The following PDZRN3 variants were observed in gnomAD, a reference collection of about 807,000 sequenced individuals.
PDZRN3 encodes the protein PDZ domain containing ring finger 3.
In PDZRN3, 38 loss-of-function variants were observed where a neutral mutation model predicts 85.7. The observed-to-expected ratio is 0.44, with a 90% CI of 0.34 to 0.58. The LOEUF (loss-of-function observed/expected upper bound fraction) is 0.58. PDZRN3 is among the 20% of genes least tolerant of loss of function. The pLI is 0.01. For synonymous variants in PDZRN3, 759 were observed against 638.0 expected (o/e 1.19, Z -2.86); for missense variants, 1,629 against 1,506.4 (o/e 1.08, Z -1.35).
In PDZRN3 at chr3:73,452,905, T is replaced by A. The variant is rs146138871; in HGVS notation, c.919-48510A>T. Reference sequence around the variant, plus strand: ...GTCCATGCAGTTGTCTTTAACTTGTTCTTCTGCATAATTTATTGGGCAGCT... The same window carrying A: ...GTCCATGCAGTTGTCTTTAACTTGTACTTCTGCATAATTTATTGGGCAGCT... On this transcript the variant is annotated intron_variant, in intron 3 of 9. Transcript: ENST00000263666. Among the ~76,000 whole-genome samples, 360 of 149,030 alleles carry A rather than the reference T, an allele frequency of 2.4e-3. 4 individuals carry two copies. The Middle Eastern group carries it at 0.063, about 26-fold the overall frequency.
intron 5 of PDZRN3, among the ~76,000 whole-genome samples, chr3:73,395,521 C>T (rs531463087): frequency 7.2e-5 from 11 of 152,292 alleles, no homozygotes; most frequent in African/African-American, 2.6e-4. Context: ...AGGGCCATTC[C>T]ACCTTGTTGA....
At chr3:73,471,880 G>A (rs1477145695) in intron 3 of PDZRN3, among the ~76,000 whole-genome samples, 2 of 152,150 alleles carry the variant, frequency 1.3e-5, no homozygotes, top group Non-Finnish European at 2.9e-5. Context: ...AATGGGTCCA[G>A]GACAAAAAGG....
chr3:73,506,149 T>G (rs1704066591), intron 3 of PDZRN3, among the ~76,000 whole-genome samples: 1 of 152,194 alleles, frequency 6.6e-6, no homozygotes, highest in African/African-American at 2.4e-5. Flanking sequence ...ATTTCAAGTC[T>G]GAATATCAAC....
chr3:73,562,243 A>G (rs1157012967), intron 3 of PDZRN3, among the ~76,000 whole-genome samples: 3 of 152,110 alleles, frequency 2.0e-5, no homozygotes, highest in African/African-American at 7.3e-5. Context: ...AGATAAAAAA[A>G]GAGTCATGAG....
intron 3 of PDZRN3, among the ~76,000 whole-genome samples, chr3:73,450,454 G>C (rs1270398881): frequency 6.6e-6 from 1 of 152,226 alleles, no homozygotes; most frequent in Non-Finnish European, 1.5e-5. Context: ...AAGCTGATCA[G>C]TGCAGCCAAT....
At chr3:73,508,061 C>T (rs936029936) in intron 3 of PDZRN3, among the ~76,000 whole-genome samples, 5 of 152,066 alleles carry the variant, frequency 3.3e-5, no homozygotes, top group African/African-American at 1.2e-4. Flanking sequence ...TGCCATTGCA[C>T]TCCAGCCTGG....
In PDZRN3 at chr3:73,382,692, T is replaced by C. The variant is rs770805557; in HGVS notation, c.*673A>G. On this transcript the variant is annotated 3_prime_UTR_variant, in exon 10 of 10. Coordinates refer to ENST00000263666, the MANE Select transcript of PDZRN3 (RefSeq NM_015009.3). ...CAAATTCTTTCAATGGGCTGCAATA[T>C]TTGCAAACATGCTTTAAACTTCCAT... The C allele has an allele frequency of 2.6e-5, 4 of 152,690 alleles. No homozygotes were observed. The highest frequency in any genetic ancestry group is 6.5e-5 in the Admixed American group (1 of 15,276). 9.5% of individuals were successfully genotyped at this position (152,690 alleles called of 1,614,324 possible). A position where few individuals can be genotyped will look rare whatever the true frequency, so the allele number is the denominator to read the frequency against.
chr3:73,523,322 G>T (rs1243083214), intron 3 of PDZRN3, among the ~76,000 whole-genome samples: 2 of 151,972 alleles, frequency 1.3e-5, no homozygotes, highest in Middle Eastern at 3.4e-3. Flanking sequence ...CCACCATACG[G>T]GGCCAAAAGG....
At chr3:73,433,825 C>T in intron 3 of PDZRN3, 1 of 1,467,138 alleles carries the variant, frequency 6.8e-7, no homozygotes, top group Admixed American at 2.5e-5. Context: ...CAAGCGACTG[C>T]AACGCTTCAC....
At chr3:73,480,008 T>C (rs1377805533) in intron 3 of PDZRN3, among the ~76,000 whole-genome samples, 2 of 152,102 alleles carry the variant, frequency 1.3e-5, no homozygotes, top group African/African-American at 4.8e-5. Flanking sequence ...CTTTTGTTTG[T>C]AATGTGATTT....
At chr3:73,400,269 T>A (rs1422430591) in intron 5 of PDZRN3, among the ~76,000 whole-genome samples, 1 of 152,230 alleles carries the variant, frequency 6.6e-6, no homozygotes, top group Non-Finnish European at 1.5e-5. Flanking sequence ...GTGTTTTCTG[T>A]ATTTTCTATC....
chr3:73,602,495 T>C (rs765361927), intron 2 of PDZRN3, 34 bp from the exon 3 acceptor site: 20 of 1,066,820 alleles, frequency 1.9e-5, no homozygotes, highest in Middle Eastern at 2.0e-4. Context: ...GCATGAATGC[T>C]AGGCATTAAG....
chr3:73,610,733 A>G (rs2106907860), intron 1 of PDZRN3, among the ~76,000 whole-genome samples: 1 of 152,308 alleles, frequency 6.6e-6, no homozygotes, highest in East Asian at 1.9e-4. Context: ...GACAATCTCA[A>G]GTGATGCACA....
Position 73,463,996 on chromosome 3 carries a change from T to C in PDZRN3, c.919-59601A>G, listed in dbSNP as rs573132666. Among the ~76,000 whole-genome samples, 7 of 152,334 alleles carry C rather than the reference T, an allele frequency of 4.6e-5. No homozygotes were observed. The South Asian group carries it at 8.3e-4, about 18-fold the overall frequency. The stretch of plus-strand genomic sequence containing the variant: ...TTCTTTTTTATTTTTTATTTATTTA[T>C]TTATTTTGAGACAGAGTCTTACACC... On this transcript the variant is annotated intron_variant, in intron 3 of 9. Transcript: ENST00000263666.
At chr3:73,397,938 T>C (rs2106711998) in intron 5 of PDZRN3, among the ~76,000 whole-genome samples, 1 of 152,258 alleles carries the variant, frequency 6.6e-6, no homozygotes, top group South Asian at 2.1e-4. Flanking sequence ...GAAAAGCTAA[T>C]GTCTAATGGT....
chr3:73,462,542 C>CAAA (rs1167584471), intron 3 of PDZRN3, among the ~76,000 whole-genome samples: 70 of 92,976 alleles, frequency 7.5e-4, no homozygotes, highest in African/African-American at 1.6e-3. Flanking sequence ...GACTCCGTCT[C>CAAA]AAAAAAAAAA....
At chr3:73,485,333 A>T (rs2106644072) in intron 3 of PDZRN3, among the ~76,000 whole-genome samples, 1 of 149,584 alleles carries the variant, frequency 6.7e-6, no homozygotes, top group South Asian at 2.1e-4. Flanking sequence ...TAATATTTAT[A>T]ATATTAATAT....
intron 3 of PDZRN3, among the ~76,000 whole-genome samples, chr3:73,567,223 G>C (rs1406384692): frequency 3.3e-5 from 5 of 151,980 alleles, no homozygotes; most frequent in Admixed American, 1.3e-4. Context: ...ATCCTTCCTG[G>C]GGCTTTTCAT....
chr3:73,578,810 T>A (rs952277794), intron 3 of PDZRN3, among the ~76,000 whole-genome samples: 1 of 152,114 alleles, frequency 6.6e-6, no homozygotes, highest in South Asian at 2.1e-4. Context: ...TTTCAGCTAA[T>A]GAAGTGGAAA....
Sources: allele counts gnomAD v4.1 joint callset (sites outside exome capture counted in the v4.1 genomes callset), GRCh38; gene constraint gnomAD v4.1.1; transcripts MANE v1.5; gene names NCBI Gene and HGNC (gene_info 2026-07-23, HGNC 2026-07-21).